The following GRAMD2B variants were observed in gnomAD, a reference collection of about 807,000 sequenced individuals.
GRAMD2B encodes GRAM domain containing 2B.
GRAMD2B carries 41 observed loss-of-function variants against 59.2 expected under a neutral mutation model. That is an observed-to-expected ratio of 0.69 (90% CI 0.54 to 0.90). The LOEUF is 0.90. GRAMD2B is among the 40% of genes least tolerant of loss of function. GRAMD2B has a pLI of 0.00. For missense variants in GRAMD2B, 424 were observed against 500.5 expected (o/e 0.85, Z 1.46); for synonymous variants, 161 against 182.7 (o/e 0.88, Z 0.96).
At chr5:126,475,495 A>G (rs1007159881) in intron 5 of GRAMD2B, among the ~76,000 whole-genome samples, 7 of 152,194 alleles carry the variant, frequency 4.6e-5, no homozygotes, top group Admixed American at 4.6e-4. Context: ...TAAGTTCTGA[A>G]TTGCCTCCTC....
At chr5:126,369,482 G>C (rs1036873507), upstream of GRAMD2B, among the ~76,000 whole-genome samples, 8 of 152,132 alleles carry the variant, frequency 5.3e-5, no homozygotes, top group Non-Finnish European at 1.0e-4. Flanking sequence ...CTAGTACAGA[G>C]AGTCAATAAA....
Position 126,485,576 on chromosome 5 carries a change from T to A in GRAMD2B, c.971-110T>A, listed in dbSNP as rs534679346. 9.6e-6 allele frequency: 6 copies of A among 625,082 alleles called. No individual in the cohort carries two copies. The South Asian group carries it at 1.3e-4, about 13-fold the overall frequency. 38.7% of individuals were successfully genotyped at this position (625,082 alleles called of 1,614,324 possible). On this transcript the variant is annotated intron_variant, in intron 10 of 13. Transcript: ENST00000285689. ...TGGGAGACTTGATATTTTCTCTGAT[T>A]TCTTTTACCTGGGAACAATTACCTC... is the stretch of plus-strand genomic sequence containing the variant.
At chr5:126,394,202 G>A (rs1417492539) in intron 1 of GRAMD2B, among the ~76,000 whole-genome samples, 1 of 151,758 alleles carries the variant, frequency 6.6e-6, no homozygotes, top group Non-Finnish European at 1.5e-5. Context: ...GTGAACCCGG[G>A]AGGCAGAGCT....
At chr5:126,381,821 T>C (rs6894007) in intron 1 of GRAMD2B, among the ~76,000 whole-genome samples, 1,765 of 152,318 alleles carry the variant, frequency 0.012, 18 homozygotes, top group South Asian at 0.018. Context: ...AGGTTCTATT[T>C]TGGCATATTT....
At chr5:126,362,265 A>G (rs12188618) in intron 1 of GRAMD2B, among the ~76,000 whole-genome samples, 76,123 of 151,980 alleles carry the variant, frequency 0.5, 19,987 homozygotes, top group East Asian at 0.73. Context: ...TGGCCTTGCT[A>G]CACTTCACTG....
intron 1 of GRAMD2B, among the ~76,000 whole-genome samples, chr5:126,429,248 C>G (rs929285487): frequency 6.6e-6 from 1 of 152,110 alleles, no homozygotes; most frequent in Non-Finnish European, 1.5e-5. Flanking sequence ...ATGAATGGAG[C>G]TGGAGGCCAT....
rs192426989 is a variant in GRAMD2B, at chr5:126,373,730, G to C, written c.125+2163G>C. ...CAGTAAGATAGAGAAAACTACTTTGGATGGGGTGGTAAGTAAAGGACTCTC... is the reference window on the plus strand; with the variant it reads ...CAGTAAGATAGAGAAAACTACTTTGCATGGGGTGGTAAGTAAAGGACTCTC... On this transcript the variant is annotated intron_variant, in intron 1 of 8. Coordinates refer to the GRAMD2B transcript ENST00000506445. Among the ~76,000 whole-genome samples, 12 of 152,300 alleles carry C rather than the reference G, an allele frequency of 7.9e-5. No individual in the cohort carries two copies. In the East Asian group the frequency reaches 2.3e-3, roughly 29 times the overall value.
intron 1 of GRAMD2B, among the ~76,000 whole-genome samples, chr5:126,364,267 G>A (rs1305420081): frequency 6.6e-6 from 1 of 152,122 alleles, no homozygotes; most frequent in Non-Finnish European, 1.5e-5. Context: ...AACAGAAAGA[G>A]TCTGCATTTT....
intron 1 of GRAMD2B, among the ~76,000 whole-genome samples, chr5:126,415,525 T>TGGGAAGGA (rs1435452617): frequency 6.6e-6 from 1 of 151,448 alleles, no homozygotes; most frequent in Non-Finnish European, 1.5e-5. Context: ...GAAGGAAGGG[T>TGGGAAGGA]GGGAAGGAGG....
chr5:126,426,957 A>G (rs1425371625), intron 1 of GRAMD2B, among the ~76,000 whole-genome samples: 1 of 152,192 alleles, frequency 6.6e-6, no homozygotes, highest in East Asian at 1.9e-4. Context: ...CTTTAGCTGT[A>G]TATTTCCTTT....
intron 1 of GRAMD2B, among the ~76,000 whole-genome samples, chr5:126,401,645 T>G (rs908173231): frequency 6.6e-6 from 1 of 152,094 alleles, no homozygotes; most frequent in Non-Finnish European, 1.5e-5. Context: ...GCAGGGCCTC[T>G]TAAATCTTTT....
intron 1 of GRAMD2B, among the ~76,000 whole-genome samples, chr5:126,403,699 C>G (rs187947199): frequency 1.6e-4 from 25 of 151,962 alleles, no homozygotes; most frequent in Admixed American, 1.6e-3. Flanking sequence ...TATTCAAAAC[C>G]TTCCTATACT....
chr5:126,408,979 G>T (rs930700345), intron 1 of GRAMD2B, among the ~76,000 whole-genome samples: 5 of 151,312 alleles, frequency 3.3e-5, no homozygotes, highest in Non-Finnish European at 7.4e-5. Context: ...TGAGAATGAT[G>T]ATTTCCAATT....
chr5:126,403,703 C>T (rs1400593514), intron 1 of GRAMD2B, among the ~76,000 whole-genome samples: 1 of 151,830 alleles, frequency 6.6e-6, no homozygotes, highest in African/African-American at 2.4e-5. Context: ...CAAAACCTTC[C>T]TATACTGAGT....
intron 1 of GRAMD2B, among the ~76,000 whole-genome samples, chr5:126,392,340 G>C (rs1487766558): frequency 6.6e-6 from 1 of 152,090 alleles, no homozygotes; most frequent in African/African-American, 2.4e-5. Flanking sequence ...GGAGTCTGCA[G>C]GAATCCATGT....
chr5:126,471,245 G>C (rs1248954138), intron 3 of GRAMD2B, among the ~76,000 whole-genome samples: 1 of 152,132 alleles, frequency 6.6e-6, no homozygotes, highest in East Asian at 1.9e-4. Context: ...GAGGCAGATT[G>C]ATCCTGTGGA....
rs570629966 is a variant in GRAMD2B at position 126,460,048 on chromosome 5, T to G, written c.84-5378T>G. Among the ~76,000 whole-genome samples, 7 of 152,322 alleles carry G rather than the reference T, an allele frequency of 4.6e-5. No individual in the cohort carries two copies. In the South Asian group the frequency reaches 1.5e-3, roughly 32 times the overall value. On this transcript the variant is annotated intron_variant, in intron 1 of 13. Transcript: ENST00000285689. ...CAGTAAGGAACTGGTTAAATAACATTTCATCCTTACGATGTAACTTTATGC... is the reference window on the plus strand; with the variant it reads ...CAGTAAGGAACTGGTTAAATAACATGTCATCCTTACGATGTAACTTTATGC...
At chr5:126,422,436 T>A (rs1162385535), upstream of GRAMD2B, among the ~76,000 whole-genome samples, 1 of 152,224 alleles carries the variant, frequency 6.6e-6, no homozygotes, top group African/African-American at 2.4e-5. Flanking sequence ...TGACCTCAAA[T>A]GATCCACCCG....
Position 126,423,454 on chromosome 5 carries a change from T to C in GRAMD2B, c.-153T>C. 4 of 1,421,180 alleles carry C rather than the reference T, an allele frequency of 2.8e-6. No individual in the cohort carries two copies. The highest frequency in any genetic ancestry group is 3.7e-6 in the Non-Finnish European group (4 of 1,093,464). 88.0% of individuals were successfully genotyped at this position (1,421,180 alleles called of 1,614,324 possible). On this transcript the variant is annotated 5_prime_UTR_variant, in exon 1 of 14. Coordinates refer to ENST00000285689, the MANE Select transcript of GRAMD2B (RefSeq NM_023927.4). ...GTCCAGGTCCGCGGCCCCGGGAGCT[T>C]GGCGCGGCCCGGCCTGGATGCGCTG... is the stretch of plus-strand genomic sequence containing the variant.
Sources: gnomAD v4.1 joint callset for allele counts (sites outside exome capture counted in the v4.1 genomes callset) on GRCh38, gnomAD v4.1.1 for gene constraint, MANE v1.5 for transcripts, NCBI Gene and HGNC (gene_info 2026-07-23, HGNC 2026-07-21) for gene names.